Variants in RPH3AL observed in about 807,000 individuals in gnomAD.
RPH3AL encodes rab effector Noc2.
In RPH3AL, 38 loss-of-function variants were observed where a neutral mutation model predicts 43.1. That is an observed-to-expected ratio of 0.88 (90% CI 0.68 to 1.15). RPH3AL has a LOEUF of 1.15. Among genes scored for constraint, RPH3AL ranks in the 50% most tolerant of loss-of-function variants. RPH3AL has a pLI of 0.00. For synonymous variants in RPH3AL, 189 were observed against 176.3 expected, an observed-to-expected ratio of 1.07 and a Z score of -0.57; for missense variants, 462 against 423.2, an observed-to-expected ratio of 1.09 and a Z score of -0.81.
At position 319,346 on chromosome 17, in the gene RPH3AL, G is replaced by C; in HGVS notation, c.351+74C>G. On this transcript the variant is annotated intron_variant, in intron 5 of 9. Coordinates refer to ENST00000331302, the MANE Select transcript of RPH3AL (RefSeq NM_006987.4). ...AGACATACACACTCCTGGGAGCCAGGATGCAAAGCCACAGCGCAGCGGGGC... is the reference window on the plus strand; with the variant it reads ...AGACATACACACTCCTGGGAGCCAGCATGCAAAGCCACAGCGCAGCGGGGC... 10 of 1,543,662 alleles carry C rather than the reference G, an allele frequency of 6.5e-6. No homozygotes were observed. The South Asian group carries it at 1.2e-4, about 19-fold the overall frequency.
At chr17:315,030 T>C (rs2043891055) in intron 5 of RPH3AL, among the ~76,000 whole-genome samples, 1 of 150,890 alleles carries the variant, frequency 6.6e-6, no homozygotes, top group Non-Finnish European at 1.5e-5. Flanking sequence ...TCCATTGACC[T>C]GTAGTCCCTG....
intron 1 of RPH3AL, chr17:339,721 G>A (rs1047179934): frequency 1.3e-5 from 2 of 152,262 alleles, no homozygotes; most frequent in Non-Finnish European, 2.9e-5. Context: ...CCAAGGCGTC[G>A]GGTTGCAGGT....
chr17:331,429 G>C lies in RPH3AL; in HGVS notation c.-37+2330C>G, dbSNP rs2044760002. Reference sequence around the variant, plus strand: ...GTTCACAGGGGTGGCCCTGAGCAAAGGTCGGACATGAGGACCCAGGAGAAT... The same window carrying C: ...GTTCACAGGGGTGGCCCTGAGCAAACGTCGGACATGAGGACCCAGGAGAAT... On this transcript the variant is annotated intron_variant, in intron 2 of 9. Transcript: ENST00000331302. 1.5e-4 allele frequency: 75 copies of C among 485,732 alleles called. 1 individual carries two copies. Among genetic ancestry groups the C allele is most frequent in the South Asian group, 1.5e-3 (71 of 48,438 alleles). 30.1% of individuals were successfully genotyped at this position (485,732 alleles called of 1,614,324 possible). A position where few individuals can be genotyped will look rare whatever the true frequency, so the allele number is the denominator to read the frequency against.
chr17:282,386 G>C (rs2042802656), intron 5 of RPH3AL, among the ~76,000 whole-genome samples: 1 of 152,216 alleles, frequency 6.6e-6, no homozygotes, highest in Non-Finnish European at 1.5e-5. Context: ...TTATAGGTGA[G>C]GAACCCGGGG....
rs777923440 is a variant in RPH3AL, at chr17:215,828, G to A, written c.728-26C>T. On this transcript the variant is annotated intron_variant, in intron 8 of 9. Transcript: ENST00000331302. The surrounding 1 kb of genome is among the most constrained non-coding windows in gnomAD (Gnocchi z 4.1). ...CTGTGGGAAATCACGTGTGGGCCCC[G>A]TGGATCTCAAACCGAGACGGGGTGA... The A allele has an allele frequency of 2.0e-4, 256 of 1,300,068 alleles. No homozygotes were observed. The highest frequency in any genetic ancestry group is 1.8e-3 in the Middle Eastern group (6 of 3,408). The allele number at this position is 1,300,068 out of a possible 1,614,324, so 80.5% of individuals were successfully genotyped here. A position where few individuals can be genotyped will look rare whatever the true frequency, so the allele number is the denominator to read the frequency against.
chr17:230,498 C>G (rs566958877), intron 7 of RPH3AL, among the ~76,000 whole-genome samples: 13 of 152,244 alleles, frequency 8.5e-5, no homozygotes, highest in African/African-American at 2.4e-4. Flanking sequence ...AAAGCTGAGG[C>G]TGGGGTGTGC....
At chr17:299,049 G>T (rs1330429430) in intron 5 of RPH3AL, among the ~76,000 whole-genome samples, 4 of 151,174 alleles carry the variant, frequency 2.6e-5, no homozygotes, top group African/African-American at 9.7e-5. Context: ...GCAGTAGGGA[G>T]CCACTGAAGG....
intron 8 of RPH3AL, among the ~76,000 whole-genome samples, chr17:216,876 G>T (rs2040815771): frequency 6.6e-6 from 1 of 152,238 alleles, no homozygotes; most frequent in African/African-American, 2.4e-5. Context: ...AGAGGGGGGT[G>T]GTGGTACGTG....
intron 6 of RPH3AL, among the ~76,000 whole-genome samples, chr17:281,218 C>T (rs978940409): frequency 6.6e-6 from 1 of 152,170 alleles, no homozygotes; most frequent in African/African-American, 2.4e-5. Flanking sequence ...ATCGTGACAG[C>T]AGACAACGGC....
At chr17:312,984 C>T (rs1161914145) in intron 5 of RPH3AL, among the ~76,000 whole-genome samples, 1 of 152,194 alleles carries the variant, frequency 6.6e-6, no homozygotes, top group South Asian at 2.1e-4. Flanking sequence ...CCCAGCACTG[C>T]GTGGCATCTG....
intron 5 of RPH3AL, among the ~76,000 whole-genome samples, chr17:306,936 T>C (rs956247068): frequency 2.0e-5 from 3 of 152,126 alleles, no homozygotes; most frequent in African/African-American, 7.2e-5. Flanking sequence ...CTGGGCACAC[T>C]GCCTCTGCCG....
intron 8 of RPH3AL, among the ~76,000 whole-genome samples, chr17:217,111 G>A (rs8066548): frequency 0.45 from 48,587 of 108,600 alleles, 13,364 homozygotes; most frequent in African/African-American, 0.66. Context: ...AATTGGCCTC[G>A]CTGAAATCAG....
intron 3 of RPH3AL, 120 bp downstream of exon 3, chr17:327,347 G>T (rs759780076): frequency 2.3e-6 from 2 of 868,480 alleles, no homozygotes; most frequent in African/African-American, 1.7e-5. Context: ...GCATGCATCC[G>T]ACAGGCACCT....
chr17:317,665 C>T (rs1175574905), intron 5 of RPH3AL, among the ~76,000 whole-genome samples: 1 of 152,246 alleles, frequency 6.6e-6, no homozygotes, highest in East Asian at 1.9e-4. Flanking sequence ...CCACCTTCCT[C>T]AGCCCAGTTT....
intron 7 of RPH3AL, among the ~76,000 whole-genome samples, chr17:229,408 T>C (rs1157724806): frequency 6.6e-6 from 1 of 152,178 alleles, no homozygotes; most frequent in African/African-American, 2.4e-5. Context: ...AACCGCACTG[T>C]ACAAAGACAG....
chr17:340,355 T>C, intron 1 of RPH3AL, among the ~76,000 whole-genome samples: 1 of 149,836 alleles, frequency 6.7e-6, no homozygotes, highest in East Asian at 2.0e-4. Context: ...CCTCCCCACA[T>C]CCACACTCAC....
intron 8 of RPH3AL, among the ~76,000 whole-genome samples, chr17:218,705 C>T (rs920293714): frequency 2.6e-5 from 4 of 152,198 alleles, no homozygotes; most frequent in Non-Finnish European, 5.9e-5. Context: ...TCAATGCCCC[C>T]GTTAACCCTC....
chr17:275,813 C>T (rs1435870533), intron 6 of RPH3AL, among the ~76,000 whole-genome samples: 1 of 152,208 alleles, frequency 6.6e-6, no homozygotes, highest in Non-Finnish European at 1.5e-5. Flanking sequence ...TCCCAAAGTG[C>T]TGGGATTACA....
chr17:273,041 G>T (rs1027563307), intron 6 of RPH3AL, among the ~76,000 whole-genome samples: 269 of 101,484 alleles, frequency 2.7e-3, no homozygotes, highest in African/African-American at 7.7e-3. Context: ...CAGCGAGGGC[G>T]ACGTCAGGGA....
Sources: gnomAD v4.1 joint callset for allele counts (sites outside exome capture counted in the v4.1 genomes callset) on GRCh38, gnomAD v4.1.1 for gene constraint, Gnocchi (gnomAD v3.1) non-coding constraint, MANE v1.5 for transcripts, NCBI Gene and HGNC (gene_info 2026-07-23, HGNC 2026-07-21) for gene names.